Variants in SCAF11 observed in about 807,000 individuals in gnomAD.
SCAF11 encodes the protein protein SCAF11.
Under a neutral mutation model 140.5 loss-of-function variants are expected in SCAF11, and 47 were observed. The observed-to-expected ratio is 0.33, with a 90% CI of 0.26 to 0.43. The LOEUF is 0.43. Ranked by LOEUF, SCAF11 falls within the 20% of genes least tolerant of loss-of-function variation. The pLI, the probability that SCAF11 is intolerant of heterozygous loss-of-function variation, is 1.00. For missense variants in SCAF11, 1,645 were observed against 1,705.1 expected, an observed-to-expected ratio of 0.96 and a Z score of 0.62; for synonymous variants, 557 against 579.4, an observed-to-expected ratio of 0.96 and a Z score of 0.55.
Position 45,960,718 on chromosome 12 carries a change from T to A in SCAF11, c.219+982A>T, listed in dbSNP as rs1363702481. The A allele has an allele frequency of 2.0e-5, 3 of 152,212 alleles. No individual in the cohort carries two copies. The East Asian group carries it at 5.8e-4, about 29-fold the overall frequency. The allele number at this position is 152,212 out of a possible 1,614,324, so 9.4% of individuals were successfully genotyped here. A position where few individuals can be genotyped will look rare whatever the true frequency, so the allele number is the denominator to read the frequency against. ...ATCTTCTCTTCCTTCTTTTGAGAAC[T>A]CAGCCAGAGTCACTATACAGTTACA... is the stretch of plus-strand genomic sequence containing the variant. On this transcript the variant is annotated intron_variant, in intron 3 of 14. Coordinates refer to ENST00000369367, the MANE Select transcript of SCAF11 (RefSeq NM_004719.3).
intron 3 of SCAF11, among the ~76,000 whole-genome samples, chr12:45,959,506 T>C (rs1359379724): frequency 6.6e-6 from 1 of 152,236 alleles, no homozygotes; most frequent in East Asian, 1.9e-4. Context: ...CACTTATTCC[T>C]GATCCTGAAA....
rs1208387758 is a variant in SCAF11 at position 45,928,192 on chromosome 12, A to G, written c.1509T>C (p.Asn503=). 3.1e-6 allele frequency: 5 copies of G among 1,613,858 alleles called. 1 individual carries two copies. In the South Asian group the frequency reaches 3.3e-5, roughly 11 times the overall value. The change falls in exon 11 of 15, where the codon AAT becomes AAC. Residue 503 remains asparagine, a synonymous_variant. Coordinates refer to ENST00000369367, the MANE Select transcript of SCAF11 (RefSeq NM_004719.3). ...KKLENTGIEA[N]VLCLESEISE... is the part of the protein sequence containing the mutation. ...AAATCTCACTTTCCAAACACAAAAC[A>G]TTAGCCTCTATACCTGTATTCTCGA...
intron 1 of SCAF11, among the ~76,000 whole-genome samples, chr12:45,969,929 GC>G (rs1333893956): frequency 1.3e-5 from 2 of 151,968 alleles, no homozygotes; most frequent in African/African-American, 4.8e-5. Flanking sequence ...ACGGAGTCTC[GC>G]TCTGTCGCCC....
chr12:45,965,405 G>A (rs1057433606), intron 1 of SCAF11, among the ~76,000 whole-genome samples: 3 of 152,134 alleles, frequency 2.0e-5, no homozygotes, highest in African/African-American at 4.8e-5. Flanking sequence ...CTTATAAAAA[G>A]GTAAAAATGA....
At chr12:45,961,649 T>C in intron 3 of SCAF11, 51 bp downstream of exon 3, 1 of 1,447,262 alleles carries the variant, frequency 6.9e-7, no homozygotes, top group South Asian at 1.4e-5. Flanking sequence ...ACTCTTTAGG[T>C]GAAATGAAAT....
intron 1 of SCAF11, among the ~76,000 whole-genome samples, chr12:45,972,943 T>TAG (rs1946130586): frequency 3.4e-5 from 2 of 59,200 alleles, no homozygotes; most frequent in South Asian, 5.2e-4. Flanking sequence ...TATATAGATA[T>TAG]ATATATAGAT....
Position 45,922,676 on chromosome 12 carries a change from TAA to T in SCAF11, c.4126-96_4126-95del, listed in dbSNP as rs1013690513. On this transcript the variant is annotated intron_variant, in intron 13 of 14. Transcript: ENST00000369367. Reference sequence around the variant, plus strand: ...AATTGAAAATACTTCATATTTACAATAAGAGACTCTCCAACTATTAACGTGAC... The same window carrying T: ...AATTGAAAATACTTCATATTTACAATGAGACTCTCCAACTATTAACGTGAC... 1.3e-4 allele frequency: 154 copies of T among 1,213,930 alleles called. No homozygotes were observed. The South Asian group carries it at 1.3e-3, about 10-fold the overall frequency. The allele number at this position is 1,213,930 out of a possible 1,614,324, so 75.2% of individuals were successfully genotyped here.
chr12:45,950,861 A>G (rs1479057322), intron 4 of SCAF11, among the ~76,000 whole-genome samples: 2 of 152,148 alleles, frequency 1.3e-5, no homozygotes, highest in African/African-American at 4.8e-5. Flanking sequence ...AAAGACTAAC[A>G]GTGCTACCTA....
chr12:45,964,054 G>A, intron 2 of SCAF11, 53 bp downstream of exon 2: 5 of 923,836 alleles, frequency 5.4e-6, no homozygotes, highest in Non-Finnish European at 8.6e-6. Context: ...TGGACAGTTT[G>A]GAAACAACTG....
At chr12:45,958,057 T>C (rs1165798756) in intron 3 of SCAF11, among the ~76,000 whole-genome samples, 3 of 151,684 alleles carry the variant, frequency 2.0e-5, no homozygotes, top group Non-Finnish European at 4.4e-5. Flanking sequence ...TACTCCACCA[T>C]GCCTGGCTAA....
chr12:45,921,833 G>T lies in SCAF11; in HGVS notation c.*215C>A. ...TCCTTTAAACCCTTTACTTTCCCTT[G>T]AATTTTGTGGGGGAGGGTGGAGGGG... On this transcript the variant is annotated 3_prime_UTR_variant, in exon 15 of 15. Transcript: ENST00000369367. 1 of 520,260 alleles carries T rather than the reference G, an allele frequency of 1.9e-6. No individual in the cohort carries two copies. Among genetic ancestry groups the T allele is most frequent in the Non-Finnish European group, 3.3e-6 (1 of 298,832 alleles). The allele number at this position is 520,260 out of a possible 1,614,324, so 32.2% of individuals were successfully genotyped here.
intron 6 of SCAF11, among the ~76,000 whole-genome samples, chr12:45,939,079 T>C (rs1021351453): frequency 5.3e-5 from 8 of 150,810 alleles, no homozygotes; most frequent in Admixed American, 1.3e-4. Context: ...ATACCTCTAG[T>C]GTGGCAACAT....
intron 5 of SCAF11, among the ~76,000 whole-genome samples, chr12:45,946,623 T>C (rs747491501): frequency 6.9e-6 from 1 of 144,822 alleles, no homozygotes; most frequent in Non-Finnish European, 1.5e-5. Context: ...GCCAAGAGAA[T>C]TGGGTAATTT....
At chr12:45,953,985 T>C (rs879408723) in intron 3 of SCAF11, 12 of 273,938 alleles carry the variant, frequency 4.4e-5, no homozygotes, top group Non-Finnish European at 5.8e-5. Flanking sequence ...GTGAGAGACA[T>C]GAGTTCTTAA....
At chr12:45,940,362 C>T (rs994533012) in intron 6 of SCAF11, among the ~76,000 whole-genome samples, 1 of 152,156 alleles carries the variant, frequency 6.6e-6, no homozygotes, top group African/African-American at 2.4e-5. Context: ...AAACAAGATC[C>T]ACCAGAATGG....
At chr12:45,966,126 G>A (rs762421900) in intron 1 of SCAF11, among the ~76,000 whole-genome samples, 3 of 152,196 alleles carry the variant, frequency 2.0e-5, no homozygotes, top group Non-Finnish European at 2.9e-5. Context: ...ACAACATAAT[G>A]ATGAATGTCC....
chr12:45,968,096 TTAAC>T (rs1006612255), intron 1 of SCAF11, among the ~76,000 whole-genome samples: 1 of 152,230 alleles, frequency 6.6e-6, no homozygotes, highest in African/African-American at 2.4e-5. Flanking sequence ...TTTTGTGTTA[TTAAC>T]TATTTATGGC....
intron 3 of SCAF11, among the ~76,000 whole-genome samples, chr12:45,959,658 C>T (rs1452038348): frequency 6.6e-6 from 1 of 152,166 alleles, no homozygotes; most frequent in African/African-American, 2.4e-5. Context: ...CACTTACATG[C>T]TTTGAAACAT....
At chr12:45,982,653 C>T (rs756723836) in intron 1 of SCAF11, among the ~76,000 whole-genome samples, 2 of 152,220 alleles carry the variant, frequency 1.3e-5, no homozygotes, top group African/African-American at 2.4e-5. Flanking sequence ...TACAGTGAAC[C>T]GAGATTGTAC....
Sources: gnomAD v4.1 joint callset for allele counts (sites outside exome capture counted in the v4.1 genomes callset) on GRCh38, gnomAD v4.1.1 for gene constraint, MANE v1.5 for transcripts, NCBI Gene and HGNC (gene_info 2026-07-23, HGNC 2026-07-21) for gene names.